The following NLGN1 variants were observed in gnomAD, a reference collection of about 807,000 sequenced individuals.
NLGN1 encodes neuroligin-1.
In NLGN1, 12 loss-of-function variants were observed where a neutral mutation model predicts 65.5. The observed-to-expected ratio is 0.18, with a 90% CI of 0.12 to 0.30. The LOEUF is 0.30. NLGN1 is among the 10% of genes least tolerant of loss of function. The pLI is 1.00. For missense variants in NLGN1, 750 were observed against 1,007.1 expected (o/e 0.74, Z 3.46); for synonymous variants, 350 against 359.5 (o/e 0.97, Z 0.30).
At chr3:173,505,204 C>T (rs184141912) in intron 2 of NLGN1, among the ~76,000 whole-genome samples, 4 of 152,110 alleles carry the variant, frequency 2.6e-5, no homozygotes, top group Admixed American at 2.6e-4. Flanking sequence ...TTTATTAAGA[C>T]ATCACTTTTA....
intron 4 of NLGN1, among the ~76,000 whole-genome samples, chr3:173,887,792 T>G (rs764250005): frequency 7.9e-5 from 12 of 152,026 alleles, no homozygotes; most frequent in Non-Finnish European, 1.3e-4. Flanking sequence ...ATCATTATTT[T>G]AATAACTGGT....
chr3:174,277,448 C>T (rs563090351), intron 5 of NLGN1, among the ~76,000 whole-genome samples: 76 of 151,864 alleles, frequency 5.0e-4, no homozygotes, highest in East Asian at 2.9e-3. Flanking sequence ...CAATCTTTTT[C>T]GGTATATTTA....
chr3:174,194,869 C>T (rs6445152), intron 4 of NLGN1, among the ~76,000 whole-genome samples: 101,868 of 135,698 alleles, frequency 0.75, 38,147 homozygotes, highest in East Asian at 0.84. Context: ...TTTCTTTTTT[C>T]TTTTTTTTTG....
intron 2 of NLGN1, among the ~76,000 whole-genome samples, chr3:173,597,798 T>C (rs1339417960): frequency 1.9e-5 from 1 of 51,334 alleles, no homozygotes; most frequent in Non-Finnish European, 6.9e-5. Context: ...TTTTAAAATG[T>C]CTTATAAATA....
At chr3:173,543,124 C>T (rs530450419) in intron 2 of NLGN1, among the ~76,000 whole-genome samples, 1 of 152,206 alleles carries the variant, frequency 6.6e-6, no homozygotes, top group South Asian at 2.1e-4. Flanking sequence ...TGTTTGATTT[C>T]AGGACCATAT....
intron 3 of NLGN1, among the ~76,000 whole-genome samples, chr3:173,625,689 T>A (rs1208816603): frequency 6.6e-6 from 1 of 152,178 alleles, no homozygotes; most frequent in Non-Finnish European, 1.5e-5. Flanking sequence ...TTAAGAGATA[T>A]TAACTGATAA....
At chr3:173,868,161 A>G (rs1730541035) in intron 4 of NLGN1, among the ~76,000 whole-genome samples, 1 of 152,154 alleles carries the variant, frequency 6.6e-6, no homozygotes, top group East Asian at 1.9e-4. Context: ...ACTTTCCAGC[A>G]TTTACAGAAT....
chr3:174,236,541 A>G (rs1196037710), intron 4 of NLGN1, among the ~76,000 whole-genome samples: 1 of 152,006 alleles, frequency 6.6e-6, no homozygotes, highest in Non-Finnish European at 1.5e-5. Flanking sequence ...AAAAAAATTT[A>G]AGTTGTTTTA....
At chr3:173,559,942 C>CTT (rs35745476) in intron 2 of NLGN1, among the ~76,000 whole-genome samples, 29 of 108,332 alleles carry the variant, frequency 2.7e-4, no homozygotes, top group Non-Finnish European at 3.5e-4. Context: ...TCTAGATACA[C>CTT]TTTTTTTTTT....
chr3:173,498,792 C>A (rs540415049), intron 2 of NLGN1, among the ~76,000 whole-genome samples: 1 of 152,006 alleles, frequency 6.6e-6, no homozygotes, highest in African/African-American at 2.4e-5. Flanking sequence ...ATTTTCATTT[C>A]TCTGATGGCC....
At chr3:173,968,691 T>C (rs996412940) in intron 4 of NLGN1, among the ~76,000 whole-genome samples, 351 of 123,782 alleles carry the variant, frequency 2.8e-3, no homozygotes, top group Admixed American at 3.1e-3. Context: ...AATAATCTTT[T>C]TTTTTTTTTT....
chr3:173,892,556 C>G (rs1219428405), intron 4 of NLGN1, among the ~76,000 whole-genome samples: 1 of 140,602 alleles, frequency 7.1e-6, no homozygotes, highest in Non-Finnish European at 1.5e-5. Context: ...ATATTCAGAA[C>G]CAGGAAAAGA....
chr3:173,699,768 G>A (rs1179987639), intron 3 of NLGN1, among the ~76,000 whole-genome samples: 13 of 152,162 alleles, frequency 8.5e-5, no homozygotes. Context: ...AGGAGAAGCA[G>A]CAGGTAATTT....
At chr3:173,792,535 T>A (rs1463888061) in intron 3 of NLGN1, among the ~76,000 whole-genome samples, 1 of 151,948 alleles carries the variant, frequency 6.6e-6, no homozygotes, top group African/African-American at 2.4e-5. Flanking sequence ...CTGAGGTGAG[T>A]TGATTATAAT....
intron 2 of NLGN1, among the ~76,000 whole-genome samples, chr3:173,522,400 A>AATAGTGCTG (rs1734908771): frequency 6.6e-6 from 1 of 152,168 alleles, no homozygotes; most frequent in African/African-American, 2.4e-5. Flanking sequence ...TACTCTTGCA[A>AATAGTGCTG]ATAGTGCTGC....
intron 3 of NLGN1, among the ~76,000 whole-genome samples, chr3:173,611,410 A>T (rs1272497151): frequency 6.6e-6 from 1 of 152,076 alleles, no homozygotes; most frequent in Non-Finnish European, 1.5e-5. Flanking sequence ...ACAACAACAA[A>T]AACAGCACAA....
chr3:173,561,170 C>G (rs1473282898), intron 2 of NLGN1, among the ~76,000 whole-genome samples: 1 of 152,184 alleles, frequency 6.6e-6, no homozygotes, highest in African/African-American at 2.4e-5. Flanking sequence ...GCAGGAACTT[C>G]CGGTAGCCTT....
At chr3:173,798,968 T>C (rs1188804333) in intron 3 of NLGN1, among the ~76,000 whole-genome samples, 2 of 152,064 alleles carry the variant, frequency 1.3e-5, no homozygotes, top group African/African-American at 4.8e-5. Flanking sequence ...TTTGGAATTA[T>C]AAATATAATG....
chr3:173,752,728 T>C (rs1303219409), intron 3 of NLGN1, among the ~76,000 whole-genome samples: 1 of 152,068 alleles, frequency 6.6e-6, no homozygotes, highest in Non-Finnish European at 1.5e-5. Context: ...TTAAATATAC[T>C]CTCAACTTAA....
Sources: gnomAD v4.1 joint callset for allele counts (sites outside exome capture counted in the v4.1 genomes callset) on GRCh38, gnomAD v4.1.1 for gene constraint, MANE v1.5 for transcripts, NCBI Gene and HGNC (gene_info 2026-07-23, HGNC 2026-07-21) for gene names.